The following ASH2L variants were observed in gnomAD, a reference collection of about 807,000 sequenced individuals.
ASH2L encodes ASH2 like, histone lysine methyltransferase complex subunit.
In ASH2L, 30 loss-of-function variants were observed where a neutral mutation model predicts 81.1. The ratio of observed to expected loss-of-function variants is 0.37; its 90% CI spans 0.28 to 0.50. The LOEUF (loss-of-function observed/expected upper bound fraction) is 0.50. Among genes scored for constraint, ASH2L ranks in the 20% least tolerant of loss-of-function variants. The pLI, the probability that ASH2L is intolerant of heterozygous loss-of-function variation, is 0.95. For synonymous variants in ASH2L, 273 were observed against 279.9 expected (o/e 0.98, Z 0.24); for missense variants, 559 against 792.1 (o/e 0.71, Z 3.53).
chr8:38,136,335 G>T (rs1204649093), intron 14 of ASH2L, among the ~76,000 whole-genome samples: 1 of 149,014 alleles, frequency 6.7e-6, no homozygotes, highest in Non-Finnish European at 1.5e-5. Flanking sequence ...CTCCCAAAGT[G>T]CTGGGATTAC....
At chr8:38,133,113 G>T (rs969868898) in intron 12 of ASH2L, among the ~76,000 whole-genome samples, 6 of 151,898 alleles carry the variant, frequency 4.0e-5, no homozygotes, top group African/African-American at 1.4e-4. Context: ...ATAAGAGATT[G>T]TAGACTCAAT....
intron 12 of ASH2L, among the ~76,000 whole-genome samples, chr8:38,129,695 C>T (rs1801979919): frequency 6.6e-6 from 1 of 152,174 alleles, no homozygotes; most frequent in Admixed American, 6.6e-5. Context: ...TCTTTCCCAC[C>T]ATACTTTAAT....
intron 5 of ASH2L, among the ~76,000 whole-genome samples, 164 bp downstream of exon 5, chr8:38,110,997 C>T (rs963312302): frequency 2.0e-5 from 3 of 152,008 alleles, no homozygotes; most frequent in Non-Finnish European, 2.9e-5. Context: ...TGCAGTGATG[C>T]GATCTCAGCT....
At position 38,120,922 on chromosome 8, in the gene ASH2L, C is replaced by G. The variant is rs1221967420; in HGVS notation, c.948-10C>G. 4.3e-6 allele frequency: 7 copies of G among 1,609,578 alleles called. No homozygotes were observed. Among genetic ancestry groups the G allele is most frequent in the Non-Finnish European group, 5.9e-6 (7 of 1,178,220 alleles). ...TTTAGTTTTTTGATGTTATTTTTTC[C>G]TTTCTGCAGTGACCCTTTGTTTTCT... is the stretch of plus-strand genomic sequence containing the variant. On this transcript the variant is annotated splice_polypyrimidine_tract_variant and intron_variant, in intron 9 of 15. Coordinates refer to ENST00000343823, the MANE Select transcript of ASH2L (RefSeq NM_004674.5).
At chr8:38,108,209 AAAAG>A (rs1014850330) in intron 3 of ASH2L, among the ~76,000 whole-genome samples, 1 of 151,678 alleles carries the variant, frequency 6.6e-6, no homozygotes, top group Admixed American at 6.6e-5. Context: ...AGTGTTTTTA[AAAAG>A]AAAGAAAAAT....
At chr8:38,116,101 G>C in intron 7 of ASH2L, among the ~76,000 whole-genome samples, 1 of 152,154 alleles carries the variant, frequency 6.6e-6, no homozygotes, top group East Asian at 1.9e-4. Context: ...GGTGGCTCAT[G>C]CCTGTAATCC....
In ASH2L at chr8:38,105,586, G is replaced by T; in HGVS notation, c.36G>T (p.Ala12=). 1.3e-6 allele frequency: 2 copies of T among 1,590,862 alleles called. No individual in the cohort carries two copies. Among genetic ancestry groups the T allele is most frequent in the Non-Finnish European group, 1.7e-6 (2 of 1,167,870 alleles). The stretch of plus-strand genomic sequence containing the variant: ...CAGGAGCAGGACCTGGCCAGGAAGC[G>T]GGTGCCGGGCCTGGCCCAGGAGCGG... ...AAAGAGPGQE[A]GAGPGPGAVA... Residue 12 remains alanine (A), a synonymous_variant, in exon 1 of 16, where the codon GCG becomes GCT. Coordinates refer to ENST00000343823, the MANE Select transcript of ASH2L (RefSeq NM_004674.5).
Position 38,139,056 on chromosome 8 carries a change from C to T in ASH2L, c.1872C>T (p.Pro624=), listed in dbSNP as rs773723494. ...CAGAAGTGGATGGGAGGCGCAGTCC[C>T]CCATGGGAACCCTGACCAGGTCCCT... ...VETEVDGRRS[P]PWEP Residue 624 remains proline, a synonymous_variant, in exon 16 of 16, where the codon CCC becomes CCT. Coordinates refer to ENST00000343823, the MANE Select transcript of ASH2L (RefSeq NM_004674.5). The T allele has an allele frequency of 6.3e-7, 1 of 1,592,846 alleles. No individual in the cohort carries two copies. The highest frequency in any genetic ancestry group is 8.6e-7 in the Non-Finnish European group (1 of 1,169,338).
chr8:38,105,892 C>G (rs1178113875), intron 1 of ASH2L, 154 bp downstream of exon 1: 1 of 1,455,834 alleles, frequency 6.9e-7, no homozygotes, highest in Non-Finnish European at 9.0e-7. Context: ...CGTCCCCTCT[C>G]AAGCATATCT....
At chr8:38,129,657 C>T (rs1196288078) in intron 12 of ASH2L, among the ~76,000 whole-genome samples, 1 of 152,198 alleles carries the variant, frequency 6.6e-6, no homozygotes, top group Non-Finnish European at 1.5e-5. Flanking sequence ...TCCTCACCCC[C>T]ACATAGAGGC....
At chr8:38,107,297 A>T in intron 3 of ASH2L, 131 bp downstream of exon 3, 1 of 1,165,220 alleles carries the variant, frequency 8.6e-7, no homozygotes, top group Non-Finnish European at 1.2e-6. Context: ...AGCAAGTAGG[A>T]TGTTGAATCA....
At chr8:38,110,104 GA>G (rs1254361909) in intron 3 of ASH2L, among the ~76,000 whole-genome samples, 2 of 152,134 alleles carry the variant, frequency 1.3e-5, no homozygotes, top group African/African-American at 4.8e-5. Flanking sequence ...TTCTCATAAA[GA>G]GGCGTACAGC....
chr8:38,121,212 G>C lies in ASH2L; in HGVS notation c.1165+63G>C, dbSNP rs1811128481. On this transcript the variant is annotated intron_variant, in intron 10 of 15. Transcript: ENST00000343823. ...ACTTTGAACTGCCATCATTAGCCTTGTCAGTCTAGAATTAGGTGTACATCT... is the reference window on the plus strand; with the variant it reads ...ACTTTGAACTGCCATCATTAGCCTTCTCAGTCTAGAATTAGGTGTACATCT... The C allele has an allele frequency of 7.5e-6, 11 of 1,462,080 alleles. No homozygotes were observed. In the Admixed American group the frequency reaches 1.9e-4, roughly 25 times the overall value. 90.6% of individuals were successfully genotyped at this position (1,462,080 alleles called of 1,614,324 possible).
chr8:38,136,001 T>A (rs1311376647), intron 14 of ASH2L, among the ~76,000 whole-genome samples: 1 of 152,002 alleles, frequency 6.6e-6, no homozygotes, highest in African/African-American at 2.4e-5. Context: ...GAGCACGTGG[T>A]GTGGTGTTAC....
At chr8:38,123,082 C>CTTTTTT (rs59410420) in intron 10 of ASH2L, among the ~76,000 whole-genome samples, 70 of 100,854 alleles carry the variant, frequency 6.9e-4, no homozygotes, top group Non-Finnish European at 8.2e-4. Context: ...TTCAGAATTT[C>CTTTTTT]TTTTTTTTTT....
At chr8:38,121,229 T>C in intron 10 of ASH2L, 80 bp downstream of exon 10, 1 of 1,312,902 alleles carries the variant, frequency 7.6e-7, no homozygotes, top group South Asian at 1.2e-5. Flanking sequence ...TAGAATTAGG[T>C]GTACATCTCA....
In ASH2L at chr8:38,128,428, G is replaced by A. The variant is rs1387622985; in HGVS notation, c.1303G>A (p.Ala435Thr). The change falls in exon 11 of 16, where the codon GCT (alanine) becomes ACT (threonine). Residue 435 changes from alanine (A) to threonine (T), a missense_variant. Transcript: ENST00000343823. Reference sequence around the variant, plus strand: ...TGTGGATGAGATGCCACCAGATACCGCTGCCAGACTGGGTTGGTCCCAGCC... The same window carrying A: ...TGTGGATGAGATGCCACCAGATACCACTGCCAGACTGGGTTGGTCCCAGCC... The part of the protein sequence containing the change: ...ITVDEMPPDT[A>T]ARLGWSQPLG... 9.3e-6 allele frequency: 15 copies of A among 1,613,946 alleles called. No homozygotes were observed. Among genetic ancestry groups the A allele is most frequent in the East Asian group, 6.7e-5 (3 of 44,884 alleles).
intron 10 of ASH2L, among the ~76,000 whole-genome samples, chr8:38,126,985 G>A (rs1212174796): frequency 2.0e-5 from 3 of 151,918 alleles, no homozygotes; most frequent in African/African-American, 4.8e-5. Context: ...GACCAGCCTG[G>A]GCAACTTGTT....
At chr8:38,132,224 T>G (rs1385590440) in intron 12 of ASH2L, among the ~76,000 whole-genome samples, 2 of 152,200 alleles carry the variant, frequency 1.3e-5, no homozygotes, top group Non-Finnish European at 2.9e-5. Context: ...GAACAGTGAT[T>G]ACTTTTGGCA....
Sources: allele counts gnomAD v4.1 joint callset (sites outside exome capture counted in the v4.1 genomes callset), GRCh38; gene constraint gnomAD v4.1.1; transcripts MANE v1.5; gene names NCBI Gene and HGNC (gene_info 2026-07-23, HGNC 2026-07-21).